The following INPP5A variants were observed in gnomAD, a reference collection of about 807,000 sequenced individuals.
INPP5A encodes the protein 43 kDa inositol polyphosphate 5-phophatase.
A neutral mutation model predicts 65.2 loss-of-function variants in INPP5A; 14 were observed. The observed-to-expected ratio is 0.21, with a 90% CI of 0.14 to 0.34. The LOEUF (loss-of-function observed/expected upper bound fraction) is 0.34. Ranked by LOEUF, INPP5A falls within the 10% of genes least tolerant of loss-of-function variation. The probability of loss-of-function intolerance (pLI) is 1.00; values close to 1 mark genes in which losing one functional copy is unlikely to be tolerated. For synonymous variants in INPP5A, 207 were observed against 208.3 expected, an observed-to-expected ratio of 0.99 and a Z score of 0.05; for missense variants, 431 against 545.6, an observed-to-expected ratio of 0.79 and a Z score of 2.09.
chr10:132,754,710 A>C (rs531650929), intron 11 of INPP5A, among the ~76,000 whole-genome samples: 5 of 152,250 alleles, frequency 3.3e-5, no homozygotes, highest in African/African-American at 1.2e-4. Flanking sequence ...CCCAGGCAGG[A>C]TGCCGGCCGA....
Position 132,678,187 on chromosome 10 carries a change from C to T in INPP5A, c.307-12205C>T, listed in dbSNP as rs1215361677. Among the ~76,000 whole-genome samples, 1 of 152,166 alleles carries T rather than the reference C, an allele frequency of 6.6e-6. No individual in the cohort carries two copies. The highest frequency in any genetic ancestry group is 1.9e-4 in the East Asian group (1 of 5,180). On this transcript the variant is annotated intron_variant, in intron 4 of 15. Coordinates refer to ENST00000368594, the MANE Select transcript of INPP5A (RefSeq NM_005539.5). The surrounding 1 kb of genome is among the most constrained non-coding windows in gnomAD (Gnocchi z 4.1). ...CGGAGCTCCTCTGAGAGCGGACGGT[C>T]ACAGCCCCCCGTATGCTGCCTGGGG... is the stretch of plus-strand genomic sequence containing the variant.
chr10:132,553,514 G>GAT lies in INPP5A; in HGVS notation c.75+15343_75+15344insAT, dbSNP rs1564913610. 2.5e-3 allele frequency among the ~76,000 whole-genome samples: 310 copies of GAT among 123,796 alleles called. 13 individuals are homozygous for GAT. The highest frequency in any genetic ancestry group is 4.1e-3 in the Non-Finnish European group (240 of 57,966). The allele number at this position is 123,796 out of a possible 152,430, so 81.2% of individuals were successfully genotyped here. On this transcript the variant is annotated intron_variant, in intron 1 of 15. Coordinates refer to ENST00000368594, the MANE Select transcript of INPP5A (RefSeq NM_005539.5). ...CTGGTGAACACCTTCTCAGAGCCTT[G>GAT]GTGTGGAATATTGAGTGGGATAGGG... is the stretch of plus-strand genomic sequence containing the variant.
At chr10:132,729,323 A>G (rs916286885) in intron 9 of INPP5A, among the ~76,000 whole-genome samples, 2 of 152,152 alleles carry the variant, frequency 1.3e-5, no homozygotes, top group Non-Finnish European at 2.9e-5. Context: ...AAGTGCCTTC[A>G]CACACAGCCC....
At chr10:132,738,511 GC>G (rs2134611360) in intron 9 of INPP5A, among the ~76,000 whole-genome samples, 1 of 152,346 alleles carries the variant, frequency 6.6e-6, no homozygotes, top group African/African-American at 2.4e-5. Context: ...GCCGGGCAGG[GC>G]CAGTCCTGTG....
At chr10:132,631,779 G>T (rs1271139658) in intron 2 of INPP5A, among the ~76,000 whole-genome samples, 2 of 152,262 alleles carry the variant, frequency 1.3e-5, no homozygotes, top group East Asian at 1.9e-4. Context: ...GCCTTTCCAA[G>T]ATATTTTTCC....
intron 9 of INPP5A, among the ~76,000 whole-genome samples, chr10:132,737,227 A>T (rs1846193322): frequency 6.6e-6 from 1 of 152,228 alleles, no homozygotes; most frequent in African/African-American, 2.4e-5. Context: ...ACATGGGCAC[A>T]GTGTGTGTCC....
At chr10:132,588,343 G>A (rs921296880) in intron 1 of INPP5A, among the ~76,000 whole-genome samples, 3 of 152,176 alleles carry the variant, frequency 2.0e-5, no homozygotes, top group African/African-American at 7.2e-5. Flanking sequence ...TGTCCTACTC[G>A]GGAGACGCAG....
intron 1 of INPP5A, among the ~76,000 whole-genome samples, chr10:132,566,666 T>C (rs1372846230): frequency 6.6e-6 from 1 of 152,260 alleles, no homozygotes; most frequent in Non-Finnish European, 1.5e-5. Context: ...TAATATTAAA[T>C]GCCTACTTTT....
intron 8 of INPP5A, among the ~76,000 whole-genome samples, chr10:132,714,545 G>A (rs1286957566): frequency 6.6e-6 from 1 of 152,272 alleles, no homozygotes; most frequent in Admixed American, 6.6e-5. Context: ...TAATCTCCCC[G>A]CGCGGCTTCC....
chr10:132,549,877 C>G lies in INPP5A; in HGVS notation c.75+11706C>G, dbSNP rs948116540. Among the ~76,000 whole-genome samples the G allele has an allele frequency of 6.6e-6, 1 of 151,962 alleles. No homozygotes were observed. The highest frequency in any genetic ancestry group is 2.4e-5 in the African/African-American group (1 of 41,344). Reference sequence around the variant, plus strand: ...ACGGAGTCAGCCTCAAATTATTAACCAGGCATTAGGGGATGGGGTCAGCCT... The same window carrying G: ...ACGGAGTCAGCCTCAAATTATTAACGAGGCATTAGGGGATGGGGTCAGCCT... On this transcript the variant is annotated intron_variant, in intron 1 of 15. Transcript: ENST00000368594. This position sits in a 1 kb window ranked among gnomAD's most constrained non-coding sequence, Gnocchi z 4.9.
chr10:132,567,566 C>T (rs991253584), intron 1 of INPP5A, among the ~76,000 whole-genome samples: 16 of 152,182 alleles, frequency 1.1e-4, no homozygotes, highest in Admixed American at 3.9e-4. Flanking sequence ...GATGGTAACA[C>T]GGGACACTAC....
intron 8 of INPP5A, among the ~76,000 whole-genome samples, chr10:132,724,240 T>C (rs1466301488): frequency 1.3e-5 from 2 of 152,230 alleles, no homozygotes; most frequent in African/African-American, 2.4e-5. Flanking sequence ...TGTGTTGAGA[T>C]ACAGACTTGG....
chr10:132,748,246 T>C (rs1363960615), intron 9 of INPP5A, among the ~76,000 whole-genome samples: 2 of 152,106 alleles, frequency 1.3e-5, no homozygotes, highest in Admixed American at 1.3e-4. Flanking sequence ...TCTGGGTATT[T>C]TGTGTAAATG....
chr10:132,600,519 C>T (rs920139660), intron 1 of INPP5A, among the ~76,000 whole-genome samples: 1 of 152,222 alleles, frequency 6.6e-6, no homozygotes, highest in Admixed American at 6.5e-5. Flanking sequence ...CCCACATTTT[C>T]CTGTCGTCTT....
intron 2 of INPP5A, among the ~76,000 whole-genome samples, chr10:132,640,494 G>C (rs759840264): frequency 6.6e-6 from 1 of 152,234 alleles, no homozygotes; most frequent in Non-Finnish European, 1.5e-5. Context: ...TGCTGCTCCC[G>C]TAAGTGTGGC....
chr10:132,607,315 G>A (rs1011922153), intron 1 of INPP5A, among the ~76,000 whole-genome samples: 6 of 152,368 alleles, frequency 3.9e-5, no homozygotes, highest in East Asian at 1.9e-4. Flanking sequence ...GTGTGTGCAC[G>A]TGTGTGCACG....
At chr10:132,658,112 T>C (rs892215490) in intron 4 of INPP5A, among the ~76,000 whole-genome samples, 2 of 152,232 alleles carry the variant, frequency 1.3e-5, no homozygotes, top group African/African-American at 4.8e-5. Flanking sequence ...ATAACTCGGA[T>C]CCAAATTAAA....
rs985905081 is a variant in INPP5A at position 132,782,736 on chromosome 10, G to T, written c.*707G>T. Reference sequence around the variant, plus strand: ...GGCATTGGAGTCTAGGAGCTCAGCTGTGTGTCCATCAACACACAAATTCGT... The same window carrying T: ...GGCATTGGAGTCTAGGAGCTCAGCTTTGTGTCCATCAACACACAAATTCGT... On this transcript the variant is annotated 3_prime_UTR_variant, in exon 16 of 16. Transcript: ENST00000368594. This position sits in a 1 kb window ranked among gnomAD's most constrained non-coding sequence, Gnocchi z 4.4. The T allele has an allele frequency of 6.6e-6, 1 of 152,368 alleles. No homozygotes were observed. The highest frequency in any genetic ancestry group is 1.5e-5 in the Non-Finnish European group (1 of 68,032). The allele number at this position is 152,368 out of a possible 1,614,324, so 9.4% of individuals were successfully genotyped here. A position where few individuals can be genotyped will look rare whatever the true frequency, so the allele number is the denominator to read the frequency against.
At chr10:132,615,398 C>T (rs1471162175) in intron 2 of INPP5A, among the ~76,000 whole-genome samples, 1 of 152,236 alleles carries the variant, frequency 6.6e-6, no homozygotes, top group Non-Finnish European at 1.5e-5. Context: ...TTCTGTGTGG[C>T]TTTCACACGT....
Sources: gnomAD v4.1 joint callset for allele counts (sites outside exome capture counted in the v4.1 genomes callset) on GRCh38, gnomAD v4.1.1 for gene constraint, Gnocchi (gnomAD v3.1) non-coding constraint, MANE v1.5 for transcripts, NCBI Gene and HGNC (gene_info 2026-07-23, HGNC 2026-07-21) for gene names.